CACNA2D3: variants seen among roughly 807,000 people sequenced by gnomAD.
The protein encoded by CACNA2D3 is voltage-dependent calcium channel subunit alpha-2/delta-3.
In CACNA2D3, 60 loss-of-function variants were observed where a neutral mutation model predicts 160.6. The ratio of observed to expected loss-of-function variants is 0.37; its 90% CI spans 0.30 to 0.46. The LOEUF (loss-of-function observed/expected upper bound fraction) is 0.46. Ranked by LOEUF, CACNA2D3 falls within the 20% of genes least tolerant of loss-of-function variation. The pLI, the probability that CACNA2D3 is intolerant of heterozygous loss-of-function variation, is 1.00. For synonymous variants in CACNA2D3, 558 were observed against 492.9 expected, an observed-to-expected ratio of 1.13 and a Z score of -1.75; for missense variants, 1,205 against 1,365.0, an observed-to-expected ratio of 0.88 and a Z score of 1.85.
At chr3:54,736,120 C>CATATATATATATGTATATATATATACAT (rs111514436) in intron 11 of CACNA2D3, among the ~76,000 whole-genome samples, 2 of 46,006 alleles carry the variant, frequency 4.3e-5, no homozygotes, top group East Asian at 3.9e-4. Context: ...TATATATATA[C>CATATATATATATGTATATATATATACAT]ATATATATAT....
intron 11 of CACNA2D3, among the ~76,000 whole-genome samples, chr3:54,679,781 G>A (rs1193983644): frequency 6.6e-6 from 1 of 152,166 alleles, no homozygotes; most frequent in African/African-American, 2.4e-5. Context: ...GCGTCCAAAG[G>A]CAAAATCATT....
At chr3:54,181,304 A>G (rs981421219) in intron 2 of CACNA2D3, among the ~76,000 whole-genome samples, 7 of 152,250 alleles carry the variant, frequency 4.6e-5, no homozygotes, top group African/African-American at 1.7e-4. Flanking sequence ...CAGTAACAAC[A>G]ACCATGAGGG....
chr3:54,871,223 A>ACACAC (rs1553897938), intron 17 of CACNA2D3, among the ~76,000 whole-genome samples: 9 of 143,966 alleles, frequency 6.3e-5, no homozygotes, highest in African/African-American at 1.8e-4. Context: ...ACACACACAC[A>ACACAC]CCCCCCATTC....
chr3:54,774,373 T>C (rs1458397774), intron 13 of CACNA2D3, among the ~76,000 whole-genome samples: 1 of 152,032 alleles, frequency 6.6e-6, no homozygotes, highest in African/African-American at 2.4e-5. Flanking sequence ...AGCAGGCATG[T>C]CCTATATGAC....
At chr3:54,188,047 G>A (rs1055207749) in intron 2 of CACNA2D3, among the ~76,000 whole-genome samples, 7 of 152,172 alleles carry the variant, frequency 4.6e-5, no homozygotes, top group African/African-American at 1.4e-4. Flanking sequence ...CACAGACAGA[G>A]CATCAGGGGA....
At chr3:54,590,734 A>G (rs1054741886) in intron 9 of CACNA2D3, among the ~76,000 whole-genome samples, 1 of 152,132 alleles carries the variant, frequency 6.6e-6, no homozygotes, top group Non-Finnish European at 1.5e-5. Context: ...GGCGTGAGCC[A>G]CCATGCTTGG....
chr3:54,472,350 T>A (rs1700748868), intron 4 of CACNA2D3, among the ~76,000 whole-genome samples: 1 of 152,220 alleles, frequency 6.6e-6, no homozygotes, highest in Non-Finnish European at 1.5e-5. Flanking sequence ...TCAACACCCC[T>A]TCATGCTAAA....
chr3:54,646,401 C>G (rs1041408255), intron 11 of CACNA2D3, among the ~76,000 whole-genome samples: 2 of 89,576 alleles, frequency 2.2e-5, no homozygotes, highest in Admixed American at 2.9e-4. Flanking sequence ...TCCTGATGCT[C>G]TCTCACCCCA....
chr3:54,856,631 C>T (rs1273888043), intron 17 of CACNA2D3, among the ~76,000 whole-genome samples: 1 of 152,112 alleles, frequency 6.6e-6, no homozygotes, highest in Non-Finnish European at 1.5e-5. Context: ...TTTTAAAGTT[C>T]TAAAACAAAC....
intron 3 of CACNA2D3, among the ~76,000 whole-genome samples, chr3:54,321,804 G>T (rs1166542758): frequency 2.7e-4 from 40 of 150,942 alleles, no homozygotes. Context: ...CAGAGGCTCA[G>T]AAGCAATCTT....
intron 2 of CACNA2D3, among the ~76,000 whole-genome samples, chr3:54,227,593 C>T (rs1185646988): frequency 3.9e-5 from 6 of 152,004 alleles, no homozygotes; most frequent in East Asian, 1.9e-4. Context: ...CTCGCTCTGT[C>T]GCCTAGGCTG....
At chr3:55,019,079 TTTTCTTTCTTTC>T (rs113970383) in intron 35 of CACNA2D3, among the ~76,000 whole-genome samples, 2 of 146,652 alleles carry the variant, frequency 1.4e-5, no homozygotes, top group South Asian at 4.2e-4. Context: ...TGCATAGAAA[TTTTCTTTCTTTC>T]TTTCTTTCTT....
chr3:54,216,019 G>T (rs1701456453), intron 2 of CACNA2D3, among the ~76,000 whole-genome samples: 1 of 152,012 alleles, frequency 6.6e-6, no homozygotes, highest in Non-Finnish European at 1.5e-5. Context: ...CGTCAGTCCT[G>T]TGTTGGTCCC....
chr3:54,179,819 G>A (rs910410327), intron 2 of CACNA2D3, among the ~76,000 whole-genome samples: 41 of 152,110 alleles, frequency 2.7e-4, no homozygotes, highest in African/African-American at 9.2e-4. Context: ...AACAGAATTG[G>A]CCAGCGACTT....
chr3:54,661,846 ATGTGTGTG>A (rs869104703), intron 11 of CACNA2D3, among the ~76,000 whole-genome samples: 4 of 16,448 alleles, frequency 2.4e-4, no homozygotes, highest in South Asian at 1.1e-3. Context: ...GGATGTGTGT[ATGTGTGTG>A]TGTGTGTGTG....
At chr3:54,246,731 A>T (rs1194389190) in intron 2 of CACNA2D3, among the ~76,000 whole-genome samples, 3 of 152,048 alleles carry the variant, frequency 2.0e-5, no homozygotes. Context: ...TCTCAAAAAA[A>T]CAAAAAAAAG....
intron 2 of CACNA2D3, among the ~76,000 whole-genome samples, chr3:54,282,851 GTT>G (rs879414759): frequency 7.2e-6 from 1 of 139,738 alleles, no homozygotes; most frequent in Non-Finnish European, 1.5e-5. Context: ...TTTTCGCTTT[GTT>G]TTTTTTTTTG....
chr3:54,807,115 G>A (rs1030946453), intron 13 of CACNA2D3, among the ~76,000 whole-genome samples: 43 of 152,148 alleles, frequency 2.8e-4, no homozygotes, highest in African/African-American at 4.8e-4. Flanking sequence ...AAGAAAACCT[G>A]GGCATTACCA....
chr3:54,422,967 C>T (rs1306529123), intron 4 of CACNA2D3, among the ~76,000 whole-genome samples: 2 of 152,138 alleles, frequency 1.3e-5, no homozygotes, highest in African/African-American at 4.8e-5. Context: ...CAGGCAGAAA[C>T]GTTATTCCTT....
Sources: allele counts gnomAD v4.1 joint callset (sites outside exome capture counted in the v4.1 genomes callset), GRCh38; gene constraint gnomAD v4.1.1; transcripts MANE v1.5; gene names NCBI Gene and HGNC (gene_info 2026-07-23, HGNC 2026-07-21).